The following SCUBE2 variants were observed in gnomAD, a reference collection of about 807,000 sequenced individuals.
SCUBE2 encodes signal peptide, CUB and EGF-like domain-containing protein 2.
SCUBE2 carries 114 observed loss-of-function variants against 125.9 expected under a neutral mutation model. The observed-to-expected ratio is 0.91, with a 90% CI of 0.78 to 1.06. The LOEUF (loss-of-function observed/expected upper bound fraction) is 1.06, where lower values mean the gene tolerates loss of function less well. SCUBE2 is among the 50% of genes least tolerant of loss of function. SCUBE2 has a pLI of 0.00. For missense variants in SCUBE2, 1,255 were observed against 1,301.8 expected, an observed-to-expected ratio of 0.96 and a Z score of 0.55; for synonymous variants, 459 against 492.9, an observed-to-expected ratio of 0.93 and a Z score of 0.91.
intron 16 of SCUBE2, among the ~76,000 whole-genome samples, chr11:9,044,918 T>C (rs576781508): frequency 6.6e-6 from 1 of 152,326 alleles, no homozygotes; most frequent in South Asian, 2.1e-4. Context: ...AGTCTGCACT[T>C]TGGGGGAGTA....
Position 9,024,005 on chromosome 11 carries a change from GA to G in SCUBE2, c.2854+1696del, listed in dbSNP as rs1193876018. Among the ~76,000 whole-genome samples the G allele has an allele frequency of 3.1e-3, 437 of 140,496 alleles. 2 individuals carry two copies. The highest frequency in any genetic ancestry group is 0.01 in the African/African-American group (392 of 38,398). 92.2% of individuals were successfully genotyped at this position (140,496 alleles called of 152,430 possible). On this transcript the variant is annotated intron_variant, in intron 21 of 22. Coordinates refer to ENST00000649792, the MANE Select transcript of SCUBE2 (RefSeq NM_001367977.2). Reference sequence around the variant, plus strand: ...TCAAACTTTTTGGAAATATATGTTTGAAAAAAAAAAAACTCTGAGTGAAGGC... The same window carrying G: ...TCAAACTTTTTGGAAATATATGTTTGAAAAAAAAAAACTCTGAGTGAAGGC...
intron 16 of SCUBE2, among the ~76,000 whole-genome samples, chr11:9,035,818 T>G (rs1242918663): frequency 6.6e-6 from 1 of 152,180 alleles, no homozygotes; most frequent in Admixed American, 6.5e-5. Flanking sequence ...TATCCAAATA[T>G]CTAAATCTTA....
chr11:9,047,589 C>A (rs773464656), intron 15 of SCUBE2, 27 bp from the exon 16 acceptor site: 2 of 1,606,048 alleles, frequency 1.2e-6, no homozygotes, highest in Non-Finnish European at 1.7e-6. Flanking sequence ...GACAGCAGTG[C>A]GGGAGGAGAT....
At chr11:9,025,975 G>A in intron 20 of SCUBE2, 121 bp from the exon 21 acceptor site, 1 of 986,312 alleles carries the variant, frequency 1.0e-6, no homozygotes, top group Non-Finnish European at 1.5e-6. Context: ...AGCTCTTCAG[G>A]CCCAGCTGAG....
At chr11:9,090,107 A>G (rs998627848) in intron 1 of SCUBE2, among the ~76,000 whole-genome samples, 2 of 152,156 alleles carry the variant, frequency 1.3e-5, no homozygotes, top group African/African-American at 4.8e-5. Context: ...CCCCCATTGT[A>G]GCTGCCCTCA....
chr11:9,025,150 A>G (rs1205521483), intron 21 of SCUBE2, among the ~76,000 whole-genome samples: 1 of 152,198 alleles, frequency 6.6e-6, no homozygotes, highest in African/African-American at 2.4e-5. Context: ...CATGAAGAAA[A>G]TTAAAACAGA....
At chr11:9,027,958 G>A (rs1855937759) in intron 19 of SCUBE2, among the ~76,000 whole-genome samples, 1 of 152,180 alleles carries the variant, frequency 6.6e-6, no homozygotes, top group Admixed American at 6.5e-5. Context: ...GAGACTATCT[G>A]ACCCTTTTTC....
intron 4 of SCUBE2, among the ~76,000 whole-genome samples, chr11:9,070,955 T>C (rs2135780296): frequency 6.6e-6 from 1 of 152,280 alleles, no homozygotes; most frequent in Non-Finnish European, 1.5e-5. Context: ...TGGCTGTCAA[T>C]TAACACAGAA....
At chr11:9,084,720 G>GA (rs553638664) in intron 2 of SCUBE2, among the ~76,000 whole-genome samples, 39 of 152,088 alleles carry the variant, frequency 2.6e-4, no homozygotes, top group African/African-American at 8.9e-4. Context: ...ATTTTATCAT[G>GA]AAAAAAACAA....
At chr11:9,051,489 T>C (rs1468537301) in intron 13 of SCUBE2, among the ~76,000 whole-genome samples, 3 of 152,246 alleles carry the variant, frequency 2.0e-5, no homozygotes, top group African/African-American at 7.2e-5. Context: ...TCACTAAACA[T>C]GGCTAGGCTC....
chr11:9,021,095 T>A lies in SCUBE2; in HGVS notation c.3037A>T (p.Ile1013Phe). ...ESREMFPRSFIRLLRSKVSRF... is the reference protein window; with the variant it reads ...ESREMFPRSFFRLLRSKVSRF... ...GACACTTTGGAACGTAGCAATCGGA[T>A]GAACGATCTTGGAAACATCTCTCGG... Residue 1013 changes from isoleucine to phenylalanine, a missense_variant, in exon 23 of 23, where the codon ATC (isoleucine) becomes TTC (phenylalanine). Transcript: ENST00000649792. The A allele has an allele frequency of 6.2e-7, 1 of 1,613,790 alleles. No individual in the cohort carries two copies. The highest frequency in any genetic ancestry group is 1.7e-5 in the Admixed American group (1 of 59,984).
At chr11:9,036,566 A>G (rs1341246966) in intron 16 of SCUBE2, among the ~76,000 whole-genome samples, 1 of 152,218 alleles carries the variant, frequency 6.6e-6, no homozygotes, top group Non-Finnish European at 1.5e-5. Flanking sequence ...TGTTTTTACA[A>G]TACTCATCCA....
chr11:9,054,698 AGTGT>A (rs1210875260), intron 10 of SCUBE2, among the ~76,000 whole-genome samples: 5 of 61,226 alleles, frequency 8.2e-5, no homozygotes, highest in African/African-American at 3.4e-4. Context: ...GCAAAGCACT[AGTGT>A]ATATATATAT....
intron 13 of SCUBE2, among the ~76,000 whole-genome samples, chr11:9,051,568 GGTCA>G (rs1566201549): frequency 1.3e-5 from 2 of 152,252 alleles, no homozygotes; most frequent in East Asian, 3.9e-4. Flanking sequence ...CTCCTCCCAG[GGTCA>G]GTCAGTCTTA....
At chr11:9,061,278 C>T (rs1359058132) in intron 7 of SCUBE2, among the ~76,000 whole-genome samples, 5 of 151,950 alleles carry the variant, frequency 3.3e-5, no homozygotes, top group Admixed American at 6.6e-5. Context: ...GGGGTGGTGG[C>T]GAGGGTGGTG....
chr11:9,089,617 A>C lies in SCUBE2; in HGVS notation c.256+90T>G, dbSNP rs536950234. On this transcript the variant is annotated intron_variant, in intron 2 of 22. Transcript: ENST00000649792. The stretch of plus-strand genomic sequence containing the variant: ...GCTGGGGGAAAGGGAGAGGAGGGGC[A>C]GTACTTTTACCAACATAAGTGGCCA... The C allele has an allele frequency of 2.3e-5, 33 of 1,419,056 alleles. No homozygotes were observed. In the South Asian group the frequency reaches 4.2e-4, roughly 18 times the overall value. The allele number at this position is 1,419,056 out of a possible 1,614,324, so 87.9% of individuals were successfully genotyped here.
At chr11:9,054,361 T>C (rs1858779956) in intron 10 of SCUBE2, among the ~76,000 whole-genome samples, 1 of 152,120 alleles carries the variant, frequency 6.6e-6, no homozygotes, top group Non-Finnish European at 1.5e-5. Context: ...CGCACTCTAC[T>C]TTCAGATGTC....
At chr11:9,066,079 T>C (rs1380122158) in intron 6 of SCUBE2, 99 bp from the exon 7 acceptor site, 1 of 785,674 alleles carries the variant, frequency 1.3e-6, no homozygotes, top group East Asian at 2.6e-5. Flanking sequence ...ATAAGAGGAA[T>C]GAAAGATATG....
chr11:9,083,365 C>T (rs1286648574), intron 2 of SCUBE2, among the ~76,000 whole-genome samples: 2 of 152,094 alleles, frequency 1.3e-5, no homozygotes, highest in Non-Finnish European at 2.9e-5. Flanking sequence ...TAGCTGTATG[C>T]TATACTCTAG....
Sources: gnomAD v4.1 joint callset for allele counts (sites outside exome capture counted in the v4.1 genomes callset) on GRCh38, gnomAD v4.1.1 for gene constraint, MANE v1.5 for transcripts, NCBI Gene and HGNC (gene_info 2026-07-23, HGNC 2026-07-21) for gene names.